NYAP2: variants seen among roughly 807,000 people sequenced by gnomAD.
NYAP2 encodes the protein neuronal tyrosine-phosphorylated phosphoinositide-3-kinase adaptor 2, also known as neuronal tyrosine-phosphorylated phosphoinositide-3-kinase adapter 2.
In NYAP2, 23 loss-of-function variants were observed where a neutral mutation model predicts 50.4. The ratio of observed to expected loss-of-function variants is 0.46; its 90% CI spans 0.33 to 0.65. The LOEUF (loss-of-function observed/expected upper bound fraction) is 0.65. Ranked by LOEUF, NYAP2 falls within the 30% of genes least tolerant of loss-of-function variation. The pLI is 0.02. For missense variants in NYAP2, 885 were observed against 861.0 expected (o/e 1.03, Z -0.35); for synonymous variants, 394 against 365.2 (o/e 1.08, Z -0.90).
In NYAP2 at chr2:225,427,752, A is replaced by C. The variant is rs143895540; in HGVS notation, c.221+18651A>C. Among the ~76,000 whole-genome samples, 158 of 152,324 alleles carry C rather than the reference A, an allele frequency of 1.0e-3. 4 individuals are homozygous for C. The East Asian group carries it at 0.029, about 28-fold the overall frequency. Reference sequence around the variant, plus strand: ...TCCTCTAATCATTTTCTTTCCATGCATAAAATTAAAAGTGAGCCAAATAAT... The same window carrying C: ...TCCTCTAATCATTTTCTTTCCATGCCTAAAATTAAAAGTGAGCCAAATAAT... On this transcript the variant is annotated intron_variant, in intron 3 of 6. Transcript: ENST00000636099.
intron 3 of NYAP2, among the ~76,000 whole-genome samples, chr2:225,479,474 T>C (rs1393664876): frequency 6.6e-6 from 1 of 152,180 alleles, no homozygotes; most frequent in East Asian, 1.9e-4. Context: ...ATTGAAATAG[T>C]TAAAAGGCAC....
intron 4 of NYAP2, among the ~76,000 whole-genome samples, chr2:225,516,823 T>G (rs1690943224): frequency 6.6e-6 from 1 of 152,174 alleles, no homozygotes; most frequent in African/African-American, 2.4e-5. Flanking sequence ...TCTTTATAAT[T>G]TTTCTAGCTA....
intron 6 of NYAP2, among the ~76,000 whole-genome samples, chr2:225,645,053 G>T (rs548189807): frequency 6.6e-6 from 1 of 152,090 alleles, no homozygotes; most frequent in South Asian, 2.1e-4. Flanking sequence ...TGAGATCAGG[G>T]GTTCGAGACC....
intron 3 of NYAP2, among the ~76,000 whole-genome samples, chr2:225,448,802 G>A (rs1057116078): frequency 1.3e-5 from 2 of 152,188 alleles, no homozygotes; most frequent in African/African-American, 2.4e-5. Context: ...GATTCAATGA[G>A]CAGTTCTAAG....
At chr2:225,561,065 G>A (rs141461442) in intron 4 of NYAP2, among the ~76,000 whole-genome samples, 18 of 151,218 alleles carry the variant, frequency 1.2e-4, no homozygotes, top group Non-Finnish European at 2.5e-4. Flanking sequence ...CTCTACTATC[G>A]TGGAACTTAT....
At chr2:225,454,134 G>A (rs1490173204) in intron 3 of NYAP2, among the ~76,000 whole-genome samples, 1 of 151,938 alleles carries the variant, frequency 6.6e-6, no homozygotes, top group Non-Finnish European at 1.5e-5. Flanking sequence ...GACCAGCCTG[G>A]ACAACATAGC....
At chr2:225,524,186 G>A (rs1007261743) in intron 4 of NYAP2, among the ~76,000 whole-genome samples, 1 of 152,192 alleles carries the variant, frequency 6.6e-6, no homozygotes, top group South Asian at 2.1e-4. Flanking sequence ...AACCTCAAAA[G>A]TAGGGAAGCC....
intron 3 of NYAP2, among the ~76,000 whole-genome samples, chr2:225,462,117 GTACA>G (rs1689844081): frequency 6.6e-6 from 1 of 152,134 alleles, no homozygotes; most frequent in Non-Finnish European, 1.5e-5. Context: ...TGTGTACTGT[GTACA>G]TATACACTGC....
chr2:225,659,586 AC>A, the NYAP2 span, among the ~76,000 whole-genome samples: 2 of 152,206 alleles, frequency 1.3e-5, no homozygotes, highest in African/African-American at 4.8e-5. Flanking sequence ...CCTGAGATTT[AC>A]CACTCAGAAC....
chr2:225,459,689 G>A (rs552230220), intron 3 of NYAP2, among the ~76,000 whole-genome samples: 10 of 151,808 alleles, frequency 6.6e-5, no homozygotes, highest in African/African-American at 2.2e-4. Context: ...TGTCGCCCAG[G>A]CTGGAGTGCA....
intron 6 of NYAP2, among the ~76,000 whole-genome samples, chr2:225,634,333 T>C (rs1230831701): frequency 6.6e-6 from 1 of 152,164 alleles, no homozygotes; most frequent in Non-Finnish European, 1.5e-5. Flanking sequence ...GGGCTCTTTG[T>C]GCTCGAACAG....
At chr2:225,468,477 C>T (rs1689959158) in intron 3 of NYAP2, among the ~76,000 whole-genome samples, 2 of 152,122 alleles carry the variant, frequency 1.3e-5, no homozygotes, top group African/African-American at 2.4e-5. Context: ...GAAGAATAGA[C>T]AAGAAACAGG....
chr2:225,516,358 T>C (rs999433289), intron 4 of NYAP2, among the ~76,000 whole-genome samples: 2 of 152,128 alleles, frequency 1.3e-5, no homozygotes, highest in Admixed American at 1.3e-4. Context: ...CAAAGACTTG[T>C]TAGACTTGGA....
rs560404686 is a variant in NYAP2 at position 225,528,065 on chromosome 2, T to C, written c.523+14393T>C. 5.9e-5 allele frequency among the ~76,000 whole-genome samples: 9 copies of C among 152,310 alleles called. No individual in the cohort carries two copies. The East Asian group carries it at 1.4e-3, about 23-fold the overall frequency. ...ATCAAAGGAATGAAATACCATCATATTCATGGTCCTGCTTCTGCACTCAAT... is the reference window on the plus strand; with the variant it reads ...ATCAAAGGAATGAAATACCATCATACTCATGGTCCTGCTTCTGCACTCAAT... On this transcript the variant is annotated intron_variant, in intron 4 of 6. Transcript: ENST00000636099.
the NYAP2 span, among the ~76,000 whole-genome samples, chr2:225,676,169 T>A: frequency 6.6e-6 from 1 of 152,162 alleles, no homozygotes; most frequent in African/African-American, 2.4e-5. Flanking sequence ...AGGCCCCACA[T>A]CAATTTTTGA....
At chr2:225,532,969 A>C (rs1463447199) in intron 4 of NYAP2, among the ~76,000 whole-genome samples, 1 of 152,158 alleles carries the variant, frequency 6.6e-6, no homozygotes, top group South Asian at 2.1e-4. Flanking sequence ...AGAAAGATAG[A>C]TTCTCTCCCT....
At chr2:225,664,971 A>G in the NYAP2 span, among the ~76,000 whole-genome samples, 1 of 152,244 alleles carries the variant, frequency 6.6e-6, no homozygotes, top group East Asian at 1.9e-4. Context: ...CTCGAGTGAT[A>G]CAAGTATATA....
intron 4 of NYAP2, among the ~76,000 whole-genome samples, chr2:225,530,418 C>T (rs1482871620): frequency 2.6e-5 from 4 of 152,208 alleles, no homozygotes; most frequent in Non-Finnish European, 5.9e-5. Flanking sequence ...TCTCGGTTCT[C>T]TTCTCAATGT....
intron 4 of NYAP2, among the ~76,000 whole-genome samples, chr2:225,518,567 T>C (rs10469784): frequency 3.9e-5 from 1 of 25,506 alleles, no homozygotes; most frequent in African/African-American, 9.2e-5. Context: ...TATATATATA[T>C]ATTAGCGTGT....
Sources: allele counts gnomAD v4.1 joint callset (sites outside exome capture counted in the v4.1 genomes callset), GRCh38; gene constraint gnomAD v4.1.1; transcripts MANE v1.5; gene names NCBI Gene and HGNC (gene_info 2026-07-23, HGNC 2026-07-21).